The following ZNRF3 variants were observed in gnomAD, a reference collection of about 807,000 sequenced individuals.
ZNRF3 encodes E3 ubiquitin-protein ligase ZNRF3.
In ZNRF3, 23 loss-of-function variants were observed where a neutral mutation model predicts 72.5. That is an observed-to-expected ratio of 0.32 (90% CI 0.23 to 0.45). ZNRF3 has a LOEUF of 0.45. Ranked by LOEUF, ZNRF3 falls within the 20% of genes least tolerant of loss-of-function variation. ZNRF3 has a pLI of 1.00. For missense variants in ZNRF3, 1,169 were observed against 1,272.1 expected (o/e 0.92, Z 1.23); for synonymous variants, 610 against 545.3 (o/e 1.12, Z -1.65).
chr22:28,890,570 A>G (rs1025005123), intron 1 of ZNRF3, among the ~76,000 whole-genome samples: 1 of 152,170 alleles, frequency 6.6e-6, no homozygotes, highest in East Asian at 1.9e-4. Context: ...GGCATAAGAA[A>G]AGTCTGAAGG....
intron 1 of ZNRF3, among the ~76,000 whole-genome samples, chr22:28,915,890 AT>A (rs1332435961): frequency 1.3e-5 from 2 of 152,110 alleles, no homozygotes; most frequent in Non-Finnish European, 2.9e-5. Flanking sequence ...TGCTAACTTT[AT>A]GTCTTCTTTT....
intron 1 of ZNRF3, among the ~76,000 whole-genome samples, chr22:28,962,543 C>T (rs2035382378): frequency 1.3e-5 from 2 of 152,232 alleles, no homozygotes; most frequent in Non-Finnish European, 1.5e-5. Context: ...GTGCTACAGG[C>T]AGGCCATGAT....
At chr22:29,007,204 T>C (rs1033130651) in intron 2 of ZNRF3, among the ~76,000 whole-genome samples, 4 of 152,214 alleles carry the variant, frequency 2.6e-5, no homozygotes, top group African/African-American at 9.6e-5. Flanking sequence ...ATGAATGGTC[T>C]TCACAGGGGT....
In ZNRF3 at chr22:29,056,297, C is replaced by T. The variant is rs1410148552; in HGVS notation, c.*2675C>T. The T allele has an allele frequency of 6.6e-6, 1 of 152,106 alleles. No homozygotes were observed. The highest frequency in any genetic ancestry group is 2.4e-5 in the African/African-American group (1 of 41,414). The allele number at this position is 152,106 out of a possible 1,614,324, so 9.4% of individuals were successfully genotyped here. The stretch of plus-strand genomic sequence containing the variant: ...TGTATTTTTGGTAGAGACAGGGTAT[C>T]TCCATGTTGGTCAGGCTGGTCTTGG... On this transcript the variant is annotated 3_prime_UTR_variant, in exon 9 of 9. Transcript: ENST00000544604.
chr22:28,907,114 C>T (rs2034222406), intron 1 of ZNRF3, among the ~76,000 whole-genome samples: 1 of 151,266 alleles, frequency 6.6e-6, no homozygotes, highest in South Asian at 2.1e-4. Flanking sequence ...TCCCGAGTAG[C>T]TGGGACTACA....
intron 1 of ZNRF3, among the ~76,000 whole-genome samples, chr22:28,943,246 C>T (rs981587014): frequency 5.3e-5 from 8 of 152,008 alleles, no homozygotes; most frequent in African/African-American, 1.2e-4. Flanking sequence ...ATTCTTGCTC[C>T]GGTCTGAAGG....
Position 28,994,176 on chromosome 22 carries a change from CTTTTTTTTTTT to C in ZNRF3, c.426+6992_426+7002del, listed in dbSNP as rs57329565. 5.7e-3 allele frequency among the ~76,000 whole-genome samples: 225 copies of C among 39,818 alleles called. 1 individual carries two copies. The highest frequency in any genetic ancestry group is 0.024 in the African/African-American group (216 of 8,986). The allele number at this position is 39,818 out of a possible 152,430, so 26.1% of individuals were successfully genotyped here. A position where few individuals can be genotyped will look rare whatever the true frequency, so the allele number is the denominator to read the frequency against. On this transcript the variant is annotated intron_variant, in intron 2 of 8. Coordinates refer to ENST00000544604, the MANE Select transcript of ZNRF3 (RefSeq NM_001206998.2). ...TCCTTTATTGTCCTTCAGTTCCTTT[CTTTTTTTTTTT>C]TTTTTTTTTTTTTTTTGAGATGGAA...
chr22:28,933,416 C>T (rs1457739450), intron 1 of ZNRF3, among the ~76,000 whole-genome samples: 1 of 152,138 alleles, frequency 6.6e-6, no homozygotes, highest in East Asian at 1.9e-4. Context: ...GAGCCCATTG[C>T]ATTAATGTTT....
Position 29,049,852 on chromosome 22 carries a change from C to A in ZNRF3, c.1671C>A (p.Ser557=). The A allele has an allele frequency of 6.2e-7, 1 of 1,607,736 alleles. No individual in the cohort carries two copies. The highest frequency in any genetic ancestry group is 1.1e-5 in the South Asian group (1 of 90,350). Reference sequence around the variant, plus strand: ...GCGACAGCAGCAGCAGCAGCAGCTCCGGCCAGTGCCACTGTTCCTCCAGTG... The same window carrying A: ...GCGACAGCAGCAGCAGCAGCAGCTCAGGCCAGTGCCACTGTTCCTCCAGTG... ...PGSDSSSSSS[S]GQCHCSSSDS... The change falls in exon 8 of 9, where the codon TCC becomes TCA. Residue 557 remains serine, a synonymous_variant. Transcript: ENST00000544604. The surrounding 1 kb of genome is among the most constrained non-coding windows in gnomAD (Gnocchi z 5.2).
At chr22:29,027,778 C>T (rs1011984934) in intron 2 of ZNRF3, among the ~76,000 whole-genome samples, 2 of 152,180 alleles carry the variant, frequency 1.3e-5, no homozygotes, top group Non-Finnish European at 2.9e-5. Flanking sequence ...AAATTCATCA[C>T]ATGCTCACAG....
At chr22:28,899,882 AG>A (rs1473402920) in intron 1 of ZNRF3, among the ~76,000 whole-genome samples, 1 of 151,946 alleles carries the variant, frequency 6.6e-6, no homozygotes, top group Non-Finnish European at 1.5e-5. Context: ...CTAGAGATGA[AG>A]TCTCAGTGTG....
intron 1 of ZNRF3, among the ~76,000 whole-genome samples, chr22:28,943,486 C>G (rs1191051169): frequency 2.6e-5 from 4 of 151,424 alleles, no homozygotes; most frequent in African/African-American, 9.7e-5. Context: ...TGTGTTTTCT[C>G]TCTCTAAAAT....
chr22:28,897,426 C>T (rs79110333), intron 1 of ZNRF3, among the ~76,000 whole-genome samples: 4,463 of 152,256 alleles, frequency 0.029, 205 homozygotes, highest in African/African-American at 0.096. Context: ...GCTTAAGCAG[C>T]CCTCCTGCCT....
At chr22:29,011,268 T>C (rs1302786804) in intron 2 of ZNRF3, among the ~76,000 whole-genome samples, 7 of 152,212 alleles carry the variant, frequency 4.6e-5, no homozygotes. Flanking sequence ...TGAGGAAGTA[T>C]ACAAAAGGTG....
chr22:28,978,000 C>A (rs898934445), intron 1 of ZNRF3, among the ~76,000 whole-genome samples: 4 of 152,162 alleles, frequency 2.6e-5, no homozygotes, highest in African/African-American at 4.8e-5. Flanking sequence ...CTTCGAAGTT[C>A]CCCTAGCTTC....
Position 29,030,042 on chromosome 22 carries a change from C to CTT in ZNRF3, c.427-12452_427-12451dup, listed in dbSNP as rs913062960. ...AACGACTTCCAGGTTCTTCCAAAAG[C>CTT]TTATCTTCCAGGCATAGGCAGGTAA... is the stretch of plus-strand genomic sequence containing the variant. On this transcript the variant is annotated intron_variant, in intron 2 of 8. Coordinates refer to ENST00000544604, the MANE Select transcript of ZNRF3 (RefSeq NM_001206998.2). The surrounding 1 kb of genome is among the most constrained non-coding windows in gnomAD (Gnocchi z 4.2). Among the ~76,000 whole-genome samples, 8 of 152,198 alleles carry CTT rather than the reference C, an allele frequency of 5.3e-5. No individual in the cohort carries two copies. The highest frequency in any genetic ancestry group is 1.2e-4 in the Non-Finnish European group (8 of 68,030).
At chr22:28,956,445 T>C (rs1374492079) in intron 1 of ZNRF3, among the ~76,000 whole-genome samples, 1 of 151,630 alleles carries the variant, frequency 6.6e-6, no homozygotes, top group Non-Finnish European at 1.5e-5. Context: ...TTCCATTCTC[T>C]TGTCCAGGGC....
At chr22:29,047,094 C>G (rs1355628081) in intron 6 of ZNRF3, among the ~76,000 whole-genome samples, 1 of 151,624 alleles carries the variant, frequency 6.6e-6, no homozygotes, top group Non-Finnish European at 1.5e-5. Flanking sequence ...ACTTTTTTTT[C>G]TTGTAGCTCT....
At chr22:28,983,587 C>G (rs991878911) in intron 1 of ZNRF3, among the ~76,000 whole-genome samples, 11 of 152,216 alleles carry the variant, frequency 7.2e-5, no homozygotes, top group African/African-American at 2.7e-4. Context: ...CTCCAGCTGC[C>G]CTCGACTGTC....
Sources: gnomAD v4.1 joint callset for allele counts (sites outside exome capture counted in the v4.1 genomes callset) on GRCh38, gnomAD v4.1.1 for gene constraint, Gnocchi (gnomAD v3.1) non-coding constraint, MANE v1.5 for transcripts, NCBI Gene and HGNC (gene_info 2026-07-23, HGNC 2026-07-21) for gene names.